Variants in TBC1D15 observed in about 807,000 individuals in gnomAD.
TBC1D15 encodes GAP for RAB7.
In TBC1D15, 39 loss-of-function variants were observed where a neutral mutation model predicts 95.4. The observed-to-expected ratio is 0.41, with a 90% CI of 0.32 to 0.53. The LOEUF (loss-of-function observed/expected upper bound fraction) is 0.53. Among genes scored for constraint, TBC1D15 ranks in the 20% least tolerant of loss-of-function variants. The pLI is 0.29. For missense variants in TBC1D15, 733 were observed against 794.3 expected, an observed-to-expected ratio of 0.92 and a Z score of 0.93; for synonymous variants, 258 against 261.3, an observed-to-expected ratio of 0.99 and a Z score of 0.12.
chr12:71,853,380 A>C (rs982391950), intron 1 of TBC1D15, among the ~76,000 whole-genome samples: 1 of 152,050 alleles, frequency 6.6e-6, no homozygotes, highest in Non-Finnish European at 1.5e-5. Flanking sequence ...TTTAACATCA[A>C]ATTTGGGCAG....
At chr12:71,911,565 T>C (rs1440317138) in intron 11 of TBC1D15, among the ~76,000 whole-genome samples, 1 of 137,068 alleles carries the variant, frequency 7.3e-6, no homozygotes, top group African/African-American at 2.8e-5. Context: ...TAGGTGGGAA[T>C]TGAACAATGA....
chr12:71,911,889 C>A (rs1457416574), intron 11 of TBC1D15, among the ~76,000 whole-genome samples: 1 of 152,058 alleles, frequency 6.6e-6, no homozygotes, highest in Non-Finnish European at 1.5e-5. Context: ...GTAGTGATTC[C>A]ATAAGAAAGC....
At chr12:71,906,980 T>G (rs759254232) in intron 10 of TBC1D15, 42 bp from the exon 11 acceptor site, 1 of 1,349,380 alleles carries the variant, frequency 7.4e-7, no homozygotes, top group Non-Finnish European at 1.0e-6. Flanking sequence ...CACAATCTGT[T>G]TTTTGGAAGC....
chr12:71,840,371 C>A (rs1884660972), intron 1 of TBC1D15, among the ~76,000 whole-genome samples: 1 of 152,034 alleles, frequency 6.6e-6, no homozygotes, highest in African/African-American at 2.4e-5. Context: ...GGACGTGTTT[C>A]CTGAGAGAAA....
chr12:71,887,584 G>C (rs1896481858), intron 5 of TBC1D15, among the ~76,000 whole-genome samples: 1 of 152,096 alleles, frequency 6.6e-6, no homozygotes, highest in African/African-American at 2.4e-5. Context: ...TATGCATACT[G>C]TTTTTTCTAC....
chr12:71,865,229 G>A (rs1323207636), intron 1 of TBC1D15, among the ~76,000 whole-genome samples: 2 of 152,202 alleles, frequency 1.3e-5, no homozygotes, highest in African/African-American at 4.8e-5. Flanking sequence ...GTTGGATGTA[G>A]GTTGCCCACA....
intron 1 of TBC1D15, among the ~76,000 whole-genome samples, chr12:71,866,268 G>C (rs7969244): frequency 0.45 from 69,098 of 152,064 alleles, 20,343 homozygotes; most frequent in African/African-American, 0.83. Context: ...TGGCATAGTG[G>C]AGTAGTCTTT....
chr12:71,920,698 C>T (rs578009922), intron 14 of TBC1D15, 33 bp from the exon 15 acceptor site: 1 of 1,488,770 alleles, frequency 6.7e-7, no homozygotes. Flanking sequence ...AGAATTGATA[C>T]AATTTGCAAA....
At position 71,886,885 on chromosome 12, in the gene TBC1D15, T is replaced by C. The variant is rs142400027; in HGVS notation, c.554+1864T>C. 2.8e-4 allele frequency among the ~76,000 whole-genome samples: 43 copies of C among 152,276 alleles called. 1 individual carries two copies. In the East Asian group the frequency reaches 7.7e-3, roughly 27 times the overall value. ...AGCACCATAGTAAGCTCAGTATCGG[T>C]GTTGCGATGTAACTCACAAATGAGA... On this transcript the variant is annotated intron_variant, in intron 5 of 16. Transcript: ENST00000485960.
At chr12:71,849,340 A>G (rs1887173676) in intron 1 of TBC1D15, 1 of 1,309,356 alleles carries the variant, frequency 7.6e-7, no homozygotes, top group South Asian at 1.2e-5. Context: ...CATAGGAGGC[A>G]ATGGAGCTTC....
At chr12:71,913,947 C>T (rs753525762) in intron 12 of TBC1D15, 21 bp downstream of exon 12, 1 of 1,522,328 alleles carries the variant, frequency 6.6e-7, no homozygotes, top group Admixed American at 2.1e-5. Context: ...AGATTCCTTC[C>T]ATTAAACTGA....
At chr12:71,894,624 TG>T (rs1243498334) in intron 6 of TBC1D15, 61 bp from the exon 7 acceptor site, 15 of 1,427,230 alleles carry the variant, frequency 1.1e-5, no homozygotes, top group Non-Finnish European at 1.4e-5. Flanking sequence ...TTGCTCATGA[TG>T]GAGTATTCGT....
At chr12:71,866,920 G>A (rs1301199542) in intron 1 of TBC1D15, among the ~76,000 whole-genome samples, 1 of 152,182 alleles carries the variant, frequency 6.6e-6, no homozygotes, top group African/African-American at 2.4e-5. Context: ...GTTGGTATTT[G>A]AGAGTTGTGA....
chr12:71,849,513 G>A (rs1003883124), intron 1 of TBC1D15: 1 of 754,130 alleles, frequency 1.3e-6, no homozygotes, highest in African/African-American at 1.7e-5. Flanking sequence ...AAGAGAGAAG[G>A]TTCTTATGGT....
chr12:71,849,202 G>T, intron 1 of TBC1D15: 4 of 336,638 alleles, frequency 1.2e-5, no homozygotes, highest in Non-Finnish European at 2.2e-5. Flanking sequence ...AAAAACTTCA[G>T]TGTCCATAGG....
chr12:71,919,634 C>T (rs755129996), intron 14 of TBC1D15, among the ~76,000 whole-genome samples: 2 of 152,096 alleles, frequency 1.3e-5, no homozygotes, highest in African/African-American at 4.8e-5. Context: ...CACATGGTCT[C>T]TATCTGGAAT....
chr12:71,859,526 G>C (rs879775413), intron 1 of TBC1D15, among the ~76,000 whole-genome samples: 1 of 152,062 alleles, frequency 6.6e-6, no homozygotes, highest in East Asian at 1.9e-4. Flanking sequence ...CCTGACCAGT[G>C]CCCTGAATAA....
At position 71,884,854 on chromosome 12, in the gene TBC1D15, G is replaced by C. The variant is rs766770522; in HGVS notation, c.387G>C (p.Leu129=). ...ATGGGAAAAGCAAATGGTCATTCCT[G>C]TTCAGTTTGACAGACCTGAAATCAA... ...HRNGKSKWSF[L]FSLTDLKSIK... The change falls in exon 5 of 17, where the codon CTG becomes CTC. Residue 129 remains leucine (L), a synonymous_variant. Transcript: ENST00000485960. The C allele has an allele frequency of 6.2e-7, 1 of 1,613,838 alleles. No individual in the cohort carries two copies. Among genetic ancestry groups the C allele is most frequent in the South Asian group, 1.1e-5 (1 of 91,080 alleles).
intron 3 of TBC1D15, among the ~76,000 whole-genome samples, chr12:71,875,356 TG>T (rs139456505): frequency 1.1e-3 from 167 of 152,352 alleles, no homozygotes; most frequent in African/African-American, 3.7e-3. Flanking sequence ...TGGTATGCTT[TG>T]AAGCACAAAC....
Sources: allele counts gnomAD v4.1 joint callset (sites outside exome capture counted in the v4.1 genomes callset), GRCh38; gene constraint gnomAD v4.1.1; transcripts MANE v1.5; gene names NCBI Gene and HGNC (gene_info 2026-07-23, HGNC 2026-07-21).